The following SNTG2 variants were observed in gnomAD, a reference collection of about 807,000 sequenced individuals.
SNTG2 encodes gamma-2-syntrophin.
Under a neutral mutation model 70.9 loss-of-function variants are expected in SNTG2, and 74 were observed. That is an observed-to-expected ratio of 1.04 (90% CI 0.86 to 1.27). SNTG2 has a LOEUF of 1.27. Among genes scored for constraint, SNTG2 ranks in the 50% most tolerant of loss-of-function variants. The pLI is 0.00. For missense variants in SNTG2, 717 were observed against 690.7 expected, an observed-to-expected ratio of 1.04 and a Z score of -0.43; for synonymous variants, 278 against 273.8, an observed-to-expected ratio of 1.02 and a Z score of -0.15.
chr2:1,312,276 G>T (rs972744274), intron 15 of SNTG2, among the ~76,000 whole-genome samples: 1 of 152,128 alleles, frequency 6.6e-6, no homozygotes, highest in African/African-American at 2.4e-5. Context: ...GATGGAGGGC[G>T]TCCCTGCCCC....
intron 1 of SNTG2, among the ~76,000 whole-genome samples, chr2:1,061,876 A>G (rs1662846536): frequency 6.6e-6 from 1 of 152,220 alleles, no homozygotes; most frequent in Non-Finnish European, 1.5e-5. Context: ...TTATTCTTGG[A>G]TATTACTTGG....
At chr2:1,202,894 A>G (rs1012443150) in intron 8 of SNTG2, among the ~76,000 whole-genome samples, 23 of 152,234 alleles carry the variant, frequency 1.5e-4, no homozygotes, top group Non-Finnish European at 2.9e-4. Context: ...TATGTACCTT[A>G]TAACAGAGCT....
chr2:1,212,272 CTCTT>C lies in SNTG2; in HGVS notation c.719+3046_719+3049del, dbSNP rs1674097083. Among the ~76,000 whole-genome samples the C allele has an allele frequency of 2.0e-5, 3 of 152,192 alleles. No homozygotes were observed. The South Asian group carries it at 6.2e-4, about 31-fold the overall frequency. On this transcript the variant is annotated intron_variant, in intron 9 of 16. Coordinates refer to ENST00000308624, the MANE Select transcript of SNTG2 (RefSeq NM_018968.4). The stretch of plus-strand genomic sequence containing the variant: ...ACTGTGTGGCACCTCCCCACTCTCT[CTCTT>C]TCTCTTGCTCCTGCTCCTACCATGT...
chr2:1,073,328 C>T (rs1046312187), intron 1 of SNTG2, among the ~76,000 whole-genome samples: 4 of 152,226 alleles, frequency 2.6e-5, no homozygotes, highest in African/African-American at 4.8e-5. Context: ...CCATTTCAAC[C>T]TTCAGCAGCC....
chr2:1,273,588 T>A (rs950569033), intron 14 of SNTG2, among the ~76,000 whole-genome samples: 2 of 151,540 alleles, frequency 1.3e-5, no homozygotes, highest in African/African-American at 4.8e-5. Context: ...GATAATTGGA[T>A]GCCTATATAC....
At chr2:1,334,469 A>G (rs1376154991) in intron 16 of SNTG2, among the ~76,000 whole-genome samples, 2 of 152,202 alleles carry the variant, frequency 1.3e-5, no homozygotes, top group Non-Finnish European at 2.9e-5. Flanking sequence ...AAAAAAAGTC[A>G]TATGAAAAAG....
At chr2:1,081,975 G>A (rs1348431852) in intron 1 of SNTG2, among the ~76,000 whole-genome samples, 1 of 152,192 alleles carries the variant, frequency 6.6e-6, no homozygotes, top group African/African-American at 2.4e-5. Flanking sequence ...GCAATGCAGT[G>A]GGGCACACAC....
intron 8 of SNTG2, among the ~76,000 whole-genome samples, chr2:1,194,875 C>T (rs1284331678): frequency 6.6e-6 from 1 of 152,160 alleles, no homozygotes; most frequent in Non-Finnish European, 1.5e-5. Flanking sequence ...TATCCCTCCC[C>T]TAGTCCCCCA....
chr2:1,252,966 G>A (rs776409593), intron 12 of SNTG2, among the ~76,000 whole-genome samples: 3 of 152,092 alleles, frequency 2.0e-5, no homozygotes, highest in African/African-American at 4.8e-5. Flanking sequence ...GTGGCAATTT[G>A]CCAGTAGCAG....
intron 8 of SNTG2, among the ~76,000 whole-genome samples, chr2:1,189,846 C>T (rs912974638): frequency 5.9e-5 from 9 of 152,060 alleles, no homozygotes; most frequent in African/African-American, 7.2e-5. Context: ...CGTGCCCGGC[C>T]GGGACTCTAT....
At chr2:1,177,524 A>G in intron 8 of SNTG2, among the ~76,000 whole-genome samples, 1 of 152,092 alleles carries the variant, frequency 6.6e-6, no homozygotes, top group Non-Finnish European at 1.5e-5. Flanking sequence ...AGGAACCAGA[A>G]GTTAAAAAGA....
chr2:1,334,665 A>G (rs1011932201), intron 16 of SNTG2, among the ~76,000 whole-genome samples: 3 of 152,232 alleles, frequency 2.0e-5, no homozygotes, highest in African/African-American at 4.8e-5. Context: ...GCTGGAAGCC[A>G]TTATTCTAAG....
chr2:1,077,556 G>A (rs1020673756), intron 1 of SNTG2, among the ~76,000 whole-genome samples: 1 of 152,096 alleles, frequency 6.6e-6, no homozygotes. Flanking sequence ...CCGGGTCTGC[G>A]GCACGCATTT....
At chr2:1,006,761 C>T (rs1347863628) in intron 1 of SNTG2, among the ~76,000 whole-genome samples, 4 of 152,080 alleles carry the variant, frequency 2.6e-5, no homozygotes, top group Admixed American at 6.6e-5. Context: ...CGCGGTGGCT[C>T]ACGCCTGTAA....
intron 7 of SNTG2, among the ~76,000 whole-genome samples, chr2:1,169,333 C>T (rs560971117): frequency 3.3e-5 from 5 of 152,154 alleles, no homozygotes; most frequent in African/African-American, 4.8e-5. Flanking sequence ...ACCCTGGGGC[C>T]GTTCCTGACT....
intron 1 of SNTG2, among the ~76,000 whole-genome samples, chr2:1,079,554 G>A (rs1232073969): frequency 6.6e-6 from 1 of 152,112 alleles, no homozygotes; most frequent in African/African-American, 2.4e-5. Flanking sequence ...ATCTATTAGA[G>A]GTCTTTGTTG....
At chr2:1,221,983 CTCTCTG>C (rs1254926257) in intron 9 of SNTG2, among the ~76,000 whole-genome samples, 5 of 18,056 alleles carry the variant, frequency 2.8e-4, no homozygotes, top group Non-Finnish European at 4.8e-4. Context: ...GTCTCTGTCT[CTCTCTG>C]TCTCTGTCTC....
chr2:1,301,030 A>G (rs1680435874), intron 14 of SNTG2, among the ~76,000 whole-genome samples: 1 of 152,090 alleles, frequency 6.6e-6, no homozygotes, highest in African/African-American at 2.4e-5. Flanking sequence ...TGCGAGAGGA[A>G]ATTCTCCACC....
At chr2:1,265,882 C>T (rs1286935355) in intron 13 of SNTG2, among the ~76,000 whole-genome samples, 3 of 152,174 alleles carry the variant, frequency 2.0e-5, no homozygotes, top group Non-Finnish European at 4.4e-5. Context: ...TTGGAAACCC[C>T]AGCCCAGGTG....
Sources: allele counts gnomAD v4.1 joint callset (sites outside exome capture counted in the v4.1 genomes callset), GRCh38; gene constraint gnomAD v4.1.1; transcripts MANE v1.5; gene names NCBI Gene and HGNC (gene_info 2026-07-23, HGNC 2026-07-21).